FRMD4A: variants seen among roughly 807,000 people sequenced by gnomAD.
FRMD4A encodes FERM domain containing 4A.
A neutral mutation model predicts 129.1 loss-of-function variants in FRMD4A; 29 were observed. That is an observed-to-expected ratio of 0.22 (90% CI 0.17 to 0.31). FRMD4A has a LOEUF of 0.31. FRMD4A is among the 10% of genes least tolerant of loss of function. The pLI is 1.00. For missense variants in FRMD4A, 1,272 were observed against 1,375.8 expected (o/e 0.92, Z 1.19); for synonymous variants, 634 against 571.6 (o/e 1.11, Z -1.56).
At chr10:13,791,718 G>A (rs1316897389) in intron 5 of FRMD4A, among the ~76,000 whole-genome samples, 2 of 152,116 alleles carry the variant, frequency 1.3e-5, no homozygotes, top group African/African-American at 2.4e-5. Flanking sequence ...CATAAATGAA[G>A]GCATGGATGA....
intron 8 of FRMD4A, 86 bp downstream of exon 8, chr10:13,761,561 T>TA (rs2092075165): frequency 1.1e-6 from 1 of 903,532 alleles, no homozygotes; most frequent in Admixed American, 2.2e-5. Context: ...ATTGTCCACC[T>TA]AAAAAGGACA....
chr10:14,316,961 C>A (rs114440150), intron 2 of FRMD4A, among the ~76,000 whole-genome samples: 59 of 152,320 alleles, frequency 3.9e-4, no homozygotes, highest in African/African-American at 1.4e-3. Flanking sequence ...ATGTGAAACT[C>A]AAGAATCCAC....
intron 2 of FRMD4A, among the ~76,000 whole-genome samples, chr10:14,328,211 G>A (rs762098194): frequency 3.4e-4 from 51 of 152,132 alleles, no homozygotes; most frequent in African/African-American, 1.2e-3. Flanking sequence ...AGGAGAACAC[G>A]ATCCTTTTTT....
Position 14,094,240 on chromosome 10 carries a change from C to T in FRMD4A, c.46-235328G>A, listed in dbSNP as rs910474649. On this transcript the variant is annotated intron_variant, in intron 2 of 24. Coordinates refer to ENST00000357447, the MANE Select transcript of FRMD4A (RefSeq NM_018027.5). Reference sequence around the variant, plus strand: ...AACCCAAATGCCAGACGACATGGCGCGTTGCCCATCCTGGGCAGATGTTAA... The same window carrying T: ...AACCCAAATGCCAGACGACATGGCGTGTTGCCCATCCTGGGCAGATGTTAA... Among the ~76,000 whole-genome samples the T allele has an allele frequency of 7.2e-5, 11 of 152,188 alleles. 1 individual carries two copies. Among genetic ancestry groups the T allele is most frequent in the Non-Finnish European group, 1.2e-4 (8 of 68,038 alleles).
At chr10:13,964,208 A>G (rs182861692) in intron 2 of FRMD4A, among the ~76,000 whole-genome samples, 1 of 152,164 alleles carries the variant, frequency 6.6e-6, no homozygotes, top group African/African-American at 2.4e-5. Context: ...CAAATAGACC[A>G]AAGAAAACCA....
chr10:14,232,752 C>T (rs2400060), intron 2 of FRMD4A, among the ~76,000 whole-genome samples: 129,634 of 152,200 alleles, frequency 0.85, 56,050 homozygotes, highest in Non-Finnish European at 0.94. Context: ...AGAAATGCTA[C>T]TAATTTGTGT....
chr10:13,935,951 T>C (rs986526040), intron 2 of FRMD4A, among the ~76,000 whole-genome samples: 4 of 152,214 alleles, frequency 2.6e-5, no homozygotes, highest in Non-Finnish European at 5.9e-5. Context: ...CTCTCCTTTG[T>C]CCCCCTTCAG....
rs771112337 is a variant in FRMD4A, at chr10:13,657,120, G to A, written c.2469C>T (p.His823=). Residue 823 remains histidine, a synonymous_variant, in exon 22 of 25, where the codon CAC becomes CAT. Coordinates refer to ENST00000357447, the MANE Select transcript of FRMD4A (RefSeq NM_018027.5). The stretch of plus-strand genomic sequence containing the variant: ...ACTGCGAGCTGGGCTGGCTCTGGCT[G>A]TGCAGGTACACACCGCCCCCCGCGC... The part of the protein sequence containing the change: ...AGGAGGGVYL[H]SQSQPSSQYR... 1.9e-6 allele frequency: 3 copies of A among 1,550,582 alleles called. No homozygotes were observed. The highest frequency in any genetic ancestry group is 1.4e-5 in the African/African-American group (1 of 71,780).
At chr10:14,240,165 C>T (rs572516077) in intron 2 of FRMD4A, among the ~76,000 whole-genome samples, 2 of 152,308 alleles carry the variant, frequency 1.3e-5, no homozygotes, top group South Asian at 4.1e-4. Flanking sequence ...ATGCTCTCTT[C>T]CCTTCCCCTC....
At chr10:13,862,875 AG>A (rs1192285734) in intron 2 of FRMD4A, among the ~76,000 whole-genome samples, 1 of 151,338 alleles carries the variant, frequency 6.6e-6, no homozygotes, top group African/African-American at 2.4e-5. Context: ...GGCACTCTGA[AG>A]TTTTCTTTTC....
chr10:13,976,021 C>T (rs1030496998), intron 2 of FRMD4A, among the ~76,000 whole-genome samples: 20 of 152,232 alleles, frequency 1.3e-4, no homozygotes, highest in East Asian at 3.9e-4. Flanking sequence ...GGGTAATGGA[C>T]GAGGACAGAG....
At chr10:14,127,447 A>G (rs996357552) in intron 2 of FRMD4A, among the ~76,000 whole-genome samples, 4 of 152,056 alleles carry the variant, frequency 2.6e-5, no homozygotes, top group Non-Finnish European at 5.9e-5. Flanking sequence ...TACTCTGGAG[A>G]AGCGAAAGAT....
intron 2 of FRMD4A, among the ~76,000 whole-genome samples, chr10:13,904,846 T>C (rs1054568094): frequency 6.6e-6 from 1 of 151,748 alleles, no homozygotes; most frequent in Non-Finnish European, 1.5e-5. Flanking sequence ...ATACAAAAAT[T>C]AGCCAGTGTG....
chr10:13,677,183 C>T (rs1319644472), intron 15 of FRMD4A, among the ~76,000 whole-genome samples: 2 of 152,218 alleles, frequency 1.3e-5, no homozygotes, highest in Non-Finnish European at 2.9e-5. Flanking sequence ...ACCAAGAACT[C>T]TCAATGTCTA....
rs7915491 is a variant in FRMD4A at position 13,776,817 on chromosome 10, T to C, written c.384+6105A>G. Among the ~76,000 whole-genome samples, 413 of 151,938 alleles carry C rather than the reference T, an allele frequency of 2.7e-3. 1 individual carries two copies. The highest frequency in any genetic ancestry group is 9.4e-3 in the African/African-American group (390 of 41,420). On this transcript the variant is annotated intron_variant, in intron 6 of 24. Transcript: ENST00000357447. ...ATCCGGGTATCAGCATCGGGATGGG[T>C]TATCTGGGTCTAACACTACCCTCTG... is the stretch of plus-strand genomic sequence containing the variant.
chr10:14,055,457 AC>A (rs1555026226), intron 2 of FRMD4A, among the ~76,000 whole-genome samples: 61,714 of 104,088 alleles, frequency 0.59, 14,004 homozygotes, highest in Non-Finnish European at 0.65. Context: ...ACACACACAC[AC>A]ACAAACACAC....
At chr10:13,668,025 C>T (rs1204803272) in intron 17 of FRMD4A, 1 of 152,206 alleles carries the variant, frequency 6.6e-6, no homozygotes, top group Non-Finnish European at 1.5e-5. Context: ...ATATCCTTGC[C>T]TCTGGGCACA....
intron 2 of FRMD4A, among the ~76,000 whole-genome samples, chr10:14,255,482 G>A (rs768125772): frequency 1.9e-4 from 29 of 152,154 alleles, no homozygotes; most frequent in Non-Finnish European, 2.8e-4. Context: ...TGGTTGCACC[G>A]CATACTTGGA....
At chr10:14,140,168 T>G (rs944726149) in intron 2 of FRMD4A, among the ~76,000 whole-genome samples, 3 of 151,996 alleles carry the variant, frequency 2.0e-5, no homozygotes, top group Admixed American at 6.6e-5. Context: ...TTCAAGCGAT[T>G]CTCCCACCTC....
Sources: allele counts gnomAD v4.1 joint callset (sites outside exome capture counted in the v4.1 genomes callset), GRCh38; gene constraint gnomAD v4.1.1; transcripts MANE v1.5; gene names NCBI Gene and HGNC (gene_info 2026-07-23, HGNC 2026-07-21).